Variants in FBXL7 observed in about 807,000 individuals in gnomAD.
FBXL7 encodes F-box/LRR-repeat protein 7.
FBXL7 carries 12 observed loss-of-function variants against 38.3 expected under a neutral mutation model. The observed-to-expected ratio is 0.31, with a 90% CI of 0.20 to 0.51. The LOEUF (loss-of-function observed/expected upper bound fraction) is 0.51, where lower values mean the gene tolerates loss of function less well. FBXL7 is among the 20% of genes least tolerant of loss of function. The probability of loss-of-function intolerance (pLI) is 0.98; values close to 1 mark genes in which losing one functional copy is unlikely to be tolerated. For missense variants in FBXL7, 567 were observed against 676.4 expected (o/e 0.84, Z 1.79); for synonymous variants, 297 against 300.9 (o/e 0.99, Z 0.13).
At chr5:15,629,114 C>T (rs1203514111) in intron 2 of FBXL7, among the ~76,000 whole-genome samples, 1 of 140,084 alleles carries the variant, frequency 7.1e-6, no homozygotes, top group African/African-American at 2.6e-5. Context: ...CTCGTTTCTA[C>T]AAAAAAAAAA....
At chr5:15,860,864 A>C (rs1446959050) in intron 2 of FBXL7, among the ~76,000 whole-genome samples, 1 of 152,208 alleles carries the variant, frequency 6.6e-6, no homozygotes, top group Non-Finnish European at 1.5e-5. Context: ...TTATATACTT[A>C]GAGAAGCTAA....
chr5:15,602,986 G>A lies in FBXL7; in HGVS notation c.38-12997G>A, dbSNP rs142291226. Among the ~76,000 whole-genome samples, 102 of 152,118 alleles carry A rather than the reference G, an allele frequency of 6.7e-4. 2 individuals carry two copies. Among genetic ancestry groups the A allele is most frequent in the African/African-American group, 2.3e-3 (97 of 41,508 alleles). On this transcript the variant is annotated intron_variant, in intron 1 of 3. Coordinates refer to ENST00000504595, the MANE Select transcript of FBXL7 (RefSeq NM_012304.5). Reference sequence around the variant, plus strand: ...CTAGCTAGGACTACAGGTGCACACCGTCACAACTGGCTAATTTTTTTAAAT... The same window carrying A: ...CTAGCTAGGACTACAGGTGCACACCATCACAACTGGCTAATTTTTTTAAAT...
At chr5:15,657,705 G>T (rs1275947426) in intron 2 of FBXL7, among the ~76,000 whole-genome samples, 1 of 152,114 alleles carries the variant, frequency 6.6e-6, no homozygotes, top group Non-Finnish European at 1.5e-5. Flanking sequence ...GGCTGTGGTG[G>T]TTGGTGCCTA....
At chr5:15,542,103 A>G (rs1354901412) in intron 1 of FBXL7, among the ~76,000 whole-genome samples, 2 of 152,168 alleles carry the variant, frequency 1.3e-5, no homozygotes, top group Non-Finnish European at 2.9e-5. Flanking sequence ...GGTGTCAGGT[A>G]ATACTCTTTA....
intron 2 of FBXL7, among the ~76,000 whole-genome samples, chr5:15,815,944 G>T (rs553983780): frequency 6.6e-6 from 1 of 152,200 alleles, no homozygotes; most frequent in East Asian, 1.9e-4. Flanking sequence ...TCACCAACGT[G>T]ATGCAAAATT....
Position 15,937,633 on chromosome 5 carries a change from T to A in FBXL7, c.*447T>A, listed in dbSNP as rs1302080340. 6.0e-6 allele frequency: 1 copy of A among 166,126 alleles called. No homozygotes were observed. The highest frequency in any genetic ancestry group is 1.6e-4 in the East Asian group (1 of 6,092). 10.3% of individuals were successfully genotyped at this position (166,126 alleles called of 1,614,324 possible). ...CACAGTGCTCTCCAGACCTCCTCTC[T>A]AAACTGCTTCATTGACCTAAGTCAC... On this transcript the variant is annotated 3_prime_UTR_variant, in exon 4 of 4. Coordinates refer to ENST00000504595, the MANE Select transcript of FBXL7 (RefSeq NM_012304.5).
chr5:15,583,795 G>A (rs1217630535), intron 1 of FBXL7, among the ~76,000 whole-genome samples: 3 of 152,116 alleles, frequency 2.0e-5, no homozygotes, highest in Non-Finnish European at 2.9e-5. Flanking sequence ...CTCTTCTCAC[G>A]GCTCCACTAG....
intron 1 of FBXL7, among the ~76,000 whole-genome samples, chr5:15,560,195 T>G (rs2126435945): frequency 6.6e-6 from 1 of 152,322 alleles, no homozygotes; most frequent in South Asian, 2.1e-4. Flanking sequence ...TGATCCTTAA[T>G]AGCATCTACC....
At chr5:15,755,683 CT>C (rs1197729407) in intron 2 of FBXL7, among the ~76,000 whole-genome samples, 1 of 152,250 alleles carries the variant, frequency 6.6e-6, no homozygotes, top group Non-Finnish European at 1.5e-5. Flanking sequence ...TTCTTACCTT[CT>C]TTCTCCATCA....
chr5:15,751,958 C>T (rs1736165764), intron 2 of FBXL7, among the ~76,000 whole-genome samples: 1 of 152,204 alleles, frequency 6.6e-6, no homozygotes, highest in East Asian at 1.9e-4. Context: ...CTGGAAATAC[C>T]ACAGAATGAA....
At chr5:15,809,710 G>C (rs1033341951) in intron 2 of FBXL7, among the ~76,000 whole-genome samples, 2 of 152,014 alleles carry the variant, frequency 1.3e-5, no homozygotes, top group African/African-American at 4.8e-5. Flanking sequence ...TACAGCAAAA[G>C]AGGGAGTAAG....
At chr5:15,601,332 T>C (rs1319709704) in intron 1 of FBXL7, among the ~76,000 whole-genome samples, 1 of 152,166 alleles carries the variant, frequency 6.6e-6, no homozygotes, top group African/African-American at 2.4e-5. Context: ...TGACTTTTGA[T>C]TGATTTGTAT....
At chr5:15,791,951 A>T (rs1737288340) in intron 2 of FBXL7, among the ~76,000 whole-genome samples, 1 of 152,162 alleles carries the variant, frequency 6.6e-6, no homozygotes, top group Non-Finnish European at 1.5e-5. Context: ...GCAGAAGCTG[A>T]TTCCCAAGAG....
intron 2 of FBXL7, among the ~76,000 whole-genome samples, chr5:15,676,393 G>C (rs1012540009): frequency 6.6e-6 from 1 of 152,168 alleles, no homozygotes; most frequent in African/African-American, 2.4e-5. Flanking sequence ...AATGCAGCAG[G>C]GTATTGATGC....
At chr5:15,747,600 A>T (rs1467513535) in intron 2 of FBXL7, among the ~76,000 whole-genome samples, 1 of 152,216 alleles carries the variant, frequency 6.6e-6, no homozygotes. Flanking sequence ...CCATGCCAAC[A>T]ATATAGGAAT....
In FBXL7 at chr5:15,781,432, A is replaced by AGTGT. The variant is rs139787474; in HGVS notation, c.128-146444_128-146441dup. Among the ~76,000 whole-genome samples, 216 of 143,750 alleles carry AGTGT rather than the reference A, an allele frequency of 1.5e-3. 3 individuals are homozygous for AGTGT. The highest frequency in any genetic ancestry group is 5.1e-3 in the African/African-American group (204 of 39,898). The allele number at this position is 143,750 out of a possible 152,430, so 94.3% of individuals were successfully genotyped here. A position where few individuals can be genotyped will look rare whatever the true frequency, so the allele number is the denominator to read the frequency against. On this transcript the variant is annotated intron_variant, in intron 2 of 3. Transcript: ENST00000504595. ...GGATGGGGAAAGGAGAAATTGTGTG[A>AGTGT]GTGTGTGTGTGTGTGTGCGCGCGCG... is the stretch of plus-strand genomic sequence containing the variant.
rs116644823 is a variant in FBXL7, at chr5:15,859,637, C to G, written c.128-68253C>G. Among the ~76,000 whole-genome samples the G allele has an allele frequency of 3.5e-3, 532 of 152,204 alleles. 1 individual carries two copies. Among genetic ancestry groups the G allele is most frequent in the African/African-American group, 0.012 (500 of 41,516 alleles). ...AGGAACTCCCTTTTATAAAAACAAT[C>G]AGATCTCATTAGTCTTATTTACTAT... On this transcript the variant is annotated intron_variant, in intron 2 of 3. Transcript: ENST00000504595.
At chr5:15,580,746 C>T in intron 1 of FBXL7, 1 of 985,402 alleles carries the variant, frequency 1.0e-6, no homozygotes, top group Non-Finnish European at 1.2e-6. Flanking sequence ...TCACAAGCTT[C>T]CCTCCTGGTG....
intron 1 of FBXL7, among the ~76,000 whole-genome samples, chr5:15,602,699 G>A (rs1323192891): frequency 6.6e-6 from 1 of 152,054 alleles, no homozygotes; most frequent in East Asian, 1.9e-4. Flanking sequence ...CCTTGGACAA[G>A]TATCTTCAGA....
Sources: allele counts gnomAD v4.1 joint callset (sites outside exome capture counted in the v4.1 genomes callset), GRCh38; gene constraint gnomAD v4.1.1; transcripts MANE v1.5; gene names NCBI Gene and HGNC (gene_info 2026-07-23, HGNC 2026-07-21).